PCDHGB3: variants seen among roughly 807,000 people sequenced by gnomAD.
PCDHGB3 encodes the protein protocadherin gamma-B3.
A neutral mutation model predicts 59.2 loss-of-function variants in PCDHGB3; 40 were observed. The observed-to-expected ratio is 0.68, with a 90% CI of 0.52 to 0.88. The LOEUF (loss-of-function observed/expected upper bound fraction) is 0.88. PCDHGB3 is among the 40% of genes least tolerant of loss of function. The pLI, the probability that PCDHGB3 is intolerant of heterozygous loss-of-function variation, is 0.00. For missense variants in PCDHGB3, 1,309 were observed against 1,187.9 expected (o/e 1.10, Z -1.50); for synonymous variants, 581 against 503.6 (o/e 1.15, Z -2.06).
chr5:141,372,361 C>T lies in PCDHGB3; in HGVS notation c.1967C>T (p.Ala656Val), dbSNP rs1227917364. 1.2e-6 allele frequency: 2 copies of T among 1,613,834 alleles called. No homozygotes were observed. Among genetic ancestry groups the T allele is most frequent in the Admixed American group, 3.3e-5 (2 of 60,010 alleles). Reference sequence around the variant, plus strand: ...GATGGAGGACAGCAGCCTCTTTCAGCCACCGTCATGCTGCACCTAATCTTC... The same window carrying T: ...GATGGAGGACAGCAGCCTCTTTCAGTCACCGTCATGCTGCACCTAATCTTC... The part of the protein sequence containing the change: ...VRDGGQQPLS[A>V]TVMLHLIFAD... The change falls in exon 1 of 4, where the codon GCC becomes GTC. Residue 656 changes from alanine (A) to valine (V), a missense_variant. Physicochemically the swap from Ala to Val is moderately conservative, Grantham distance 64. Transcript: ENST00000576222.
rs2099735960 is a variant in PCDHGB3 at position 141,491,997 on chromosome 5, G to A, written c.2416-2810G>A. On this transcript the variant is annotated intron_variant, in intron 1 of 3. Transcript: ENST00000576222. The surrounding 1 kb of genome is among the most constrained non-coding windows in gnomAD (Gnocchi z 6.9). ...CCTTCGAGCTTCCGGTGAATTTCGG[G>A]CGATTTCCGCGGGTGTCGGGGGTCC... The A allele has an allele frequency of 1.5e-6, 1 of 671,074 alleles. No homozygotes were observed. The allele number at this position is 671,074 out of a possible 1,614,324, so 41.6% of individuals were successfully genotyped here.
chr5:141,375,011 G>C, intron 1 of PCDHGB3: 2 of 1,614,028 alleles, frequency 1.2e-6, no homozygotes, highest in Non-Finnish European at 1.7e-6. Context: ...TCTAGACTAT[G>C]AGGACTCGAG....
In PCDHGB3 at chr5:141,491,727, G is replaced by C; in HGVS notation, c.2416-3080G>C. On this transcript the variant is annotated intron_variant, in intron 1 of 3. Transcript: ENST00000576222. This position sits in a 1 kb window ranked among gnomAD's most constrained non-coding sequence, Gnocchi z 6.9. ...TGAGGGGCTCGGCGCCGCCCCGGGC[G>C]ACCCCTGGGGGCGGCACTGGAGAAG... 6.2e-7 allele frequency: 1 copy of C among 1,604,916 alleles called. No individual in the cohort carries two copies. The highest frequency in any genetic ancestry group is 8.5e-7 in the Non-Finnish European group (1 of 1,176,284).
At chr5:141,419,174 A>G (rs1283454889) in intron 1 of PCDHGB3, 1 of 1,613,840 alleles carries the variant, frequency 6.2e-7, no homozygotes, top group East Asian at 2.2e-5. Flanking sequence ...CAAAACCATA[A>G]CCCTGCACAT....
At chr5:141,478,498 G>A in intron 1 of PCDHGB3, 8 of 1,612,712 alleles carry the variant, frequency 5.0e-6, no homozygotes, top group South Asian at 1.1e-5. Context: ...GCTGTGATCC[G>A]GTGTTCTATA....
rs532216579 is a variant in PCDHGB3, at chr5:141,419,369, T to G, written c.2415+46560T>G. 631 of 1,613,750 alleles carry G rather than the reference T, an allele frequency of 3.9e-4. 5 individuals carry two copies. In the East Asian group the frequency reaches 0.013, roughly 33 times the overall value. On this transcript the variant is annotated intron_variant, in intron 1 of 3. Coordinates refer to ENST00000576222, the MANE Select transcript of PCDHGB3 (RefSeq NM_018924.5). ...CCTGGAGTCACGAACGCTGTCGTCC[T>G]ACGTGTCCGTGAGCGCGCAGAGCGG...
chr5:141,477,777 A>G lies in PCDHGB3; in HGVS notation c.2416-17030A>G, dbSNP rs775845004. ...GTCCTAGCCACCAACATCAGCGTGA[A>G]CATATTTGTCACTGATCGCAATGAC... is the stretch of plus-strand genomic sequence containing the variant. On this transcript the variant is annotated intron_variant, in intron 1 of 3. Transcript: ENST00000576222. The surrounding 1 kb of genome is among the most constrained non-coding windows in gnomAD (Gnocchi z 4.9). The G allele has an allele frequency of 1.9e-4, 299 of 1,613,944 alleles. No homozygotes were observed. Among genetic ancestry groups the G allele is most frequent in the Non-Finnish European group, 2.5e-4 (295 of 1,180,048 alleles).
At chr5:141,480,046 A>G (rs919527311) in intron 1 of PCDHGB3, among the ~76,000 whole-genome samples, 1 of 152,206 alleles carries the variant, frequency 6.6e-6, no homozygotes, top group Non-Finnish European at 1.5e-5. Context: ...ATATGCAAAA[A>G]GGGAATAATA....
rs780268305 is a variant in PCDHGB3, at chr5:141,410,637, T to G, written c.2415+37828T>G. 1.9e-6 allele frequency: 3 copies of G among 1,599,938 alleles called. No homozygotes were observed. In the South Asian group the frequency reaches 3.3e-5, roughly 18 times the overall value. ...CTGACTTCGGTGAGTTTCTCTTTTT[T>G]GTGTGTGATTTATCTAATAGTCTAC... On this transcript the variant is annotated intron_variant, in intron 1 of 3. Transcript: ENST00000576222.
At chr5:141,430,986 C>T (rs549700048) in intron 1 of PCDHGB3, 3 of 1,613,762 alleles carry the variant, frequency 1.9e-6, no homozygotes, top group East Asian at 2.2e-5. Flanking sequence ...CAGCTTTTCG[C>T]CCTGAATCCG....
chr5:141,415,435 C>G, intron 1 of PCDHGB3: 1 of 1,614,202 alleles, frequency 6.2e-7, no homozygotes. Flanking sequence ...TCGGGCTTTC[C>G]TGCAGACCTA....
intron 1 of PCDHGB3, chr5:141,400,636 G>C: frequency 7.5e-7 from 1 of 1,325,762 alleles, no homozygotes; most frequent in Non-Finnish European, 1.1e-6. Context: ...AGTCAGAGCT[G>C]CTCAGAAAGC....
chr5:141,388,334 A>G (rs2091318945), intron 1 of PCDHGB3: 2 of 1,613,972 alleles, frequency 1.2e-6, no homozygotes, highest in South Asian at 1.1e-5. Flanking sequence ...AGCCTGGCAC[A>G]CGATTTATAT....
chr5:141,407,599 AAAG>A (rs1328416590), intron 1 of PCDHGB3, among the ~76,000 whole-genome samples: 13 of 152,198 alleles, frequency 8.5e-5, no homozygotes, highest in Admixed American at 2.0e-4. Flanking sequence ...CTCATCTTAA[AAAG>A]AAGCATTGGT....
rs2095932484 is a variant in PCDHGB3, at chr5:141,415,751, T to TG, written c.2415+42942_2415+42943insG. 3.8e-6 allele frequency: 5 copies of TG among 1,328,726 alleles called. No homozygotes were observed. The African/African-American group carries it at 9.4e-5, about 25-fold the overall frequency. The allele number at this position is 1,328,726 out of a possible 1,614,324, so 82.3% of individuals were successfully genotyped here. On this transcript the variant is annotated intron_variant, in intron 1 of 3. Transcript: ENST00000576222. ...TGATGTTTATTAAGGTTTTTTTTTT[T>TG]TTTTTTTTTTTTTTTTTTTTTACTT... is the stretch of plus-strand genomic sequence containing the variant.
intron 1 of PCDHGB3, among the ~76,000 whole-genome samples, chr5:141,472,497 G>A (rs1196427013): frequency 1.3e-5 from 2 of 151,958 alleles, no homozygotes; most frequent in Non-Finnish European, 2.9e-5. Context: ...ACGAGATCGT[G>A]CCACTGCACT....
Position 141,476,383 on chromosome 5 carries a change from C to T in PCDHGB3, c.2416-18424C>T, listed in dbSNP as rs547854431. The T allele has an allele frequency of 6.2e-7, 1 of 1,613,984 alleles. No homozygotes were observed. The highest frequency in any genetic ancestry group is 8.5e-7 in the Non-Finnish European group (1 of 1,180,044). On this transcript the variant is annotated intron_variant, in intron 1 of 3. Coordinates refer to ENST00000576222, the MANE Select transcript of PCDHGB3 (RefSeq NM_018924.5). This position sits in a 1 kb window ranked among gnomAD's most constrained non-coding sequence, Gnocchi z 7.6. ...GGGAGACCGGAGAGATGTTTGTGAA[C>T]GACCGTCTGGATCGAGAGGAGCTGT...
At chr5:141,390,553 A>G in intron 1 of PCDHGB3, 3 of 476,468 alleles carry the variant, frequency 6.3e-6, no homozygotes, top group Non-Finnish European at 1.1e-5. Context: ...TGAAAGTGTT[A>G]GACAGTTGTT....
At chr5:141,419,109 A>T in intron 1 of PCDHGB3, 1 of 1,613,940 alleles carries the variant, frequency 6.2e-7, no homozygotes, top group Non-Finnish European at 8.5e-7. Flanking sequence ...CAGACCCCAG[A>T]GTACAACGTC....
Sources: gnomAD v4.1 joint callset for allele counts (sites outside exome capture counted in the v4.1 genomes callset) on GRCh38, gnomAD v4.1.1 for gene constraint, Gnocchi (gnomAD v3.1) non-coding constraint, MANE v1.5 for transcripts, NCBI Gene and HGNC (gene_info 2026-07-23, HGNC 2026-07-21) for gene names.